Variants in AMBP observed in about 807,000 individuals in gnomAD.
AMBP encodes the protein protein AMBP.
AMBP carries 37 observed loss-of-function variants against 46.3 expected under a neutral mutation model. The ratio of observed to expected loss-of-function variants is 0.80; its 90% CI spans 0.61 to 1.05. The LOEUF is 1.05. Ranked by LOEUF, AMBP falls within the 50% of genes least tolerant of loss-of-function variation. AMBP has a pLI of 0.00. For synonymous variants in AMBP, 174 were observed against 175.9 expected, an observed-to-expected ratio of 0.99 and a Z score of 0.09; for missense variants, 475 against 461.2, an observed-to-expected ratio of 1.03 and a Z score of -0.27.
Position 114,078,018 on chromosome 9 carries a change from A to G in AMBP, c.117+75T>C, listed in dbSNP as rs887359532. On this transcript the variant is annotated intron_variant, in intron 1 of 9. Transcript: ENST00000265132. ...AGCCTGAGACCCCGAGACAGGCCGC[A>G]CTTGCCCAGCAGGGCCCATCTGCCT... 6 of 1,462,692 alleles carry G rather than the reference A, an allele frequency of 4.1e-6. No homozygotes were observed. The African/African-American group carries it at 8.3e-5, about 20-fold the overall frequency. The allele number at this position is 1,462,692 out of a possible 1,614,324, so 90.6% of individuals were successfully genotyped here. A position where few individuals can be genotyped will look rare whatever the true frequency, so the allele number is the denominator to read the frequency against.
chr9:114,069,769 G>T (rs1209279044), intron 5 of AMBP, 24 bp from the exon 6 acceptor site: 2 of 1,613,926 alleles, frequency 1.2e-6, no homozygotes, highest in Non-Finnish European at 1.7e-6. Context: ...CAGGAGAGAG[G>T]AGTGAATAAC....
chr9:114,060,996 C>A lies in AMBP; in HGVS notation c.956G>T (p.Gly319Val). 6.2e-7 allele frequency: 1 copy of A among 1,614,242 alleles called. No homozygotes were observed. Among genetic ancestry groups the A allele is most frequent in the Non-Finnish European group, 8.5e-7 (1 of 1,180,032 alleles). Residue 319 changes from glycine to valine, a missense_variant, in exon 9 of 10, where the codon GGC becomes GTC. Transcript: ENST00000265132. ...GAACTTGTTCCCGTTGCCCTGGCAG[C>A]CCCCGTAGGGGAAGAGGACGCACTT... is the stretch of plus-strand genomic sequence containing the variant. ...KGKCVLFPYGGCQGNGNKFYS... is the reference protein window; with the variant it reads ...KGKCVLFPYGVCQGNGNKFYS...
chr9:114,062,555 C>A, intron 7 of AMBP, 122 bp downstream of exon 7: 1 of 999,984 alleles, frequency 1.0e-6, no homozygotes, highest in Non-Finnish European at 1.5e-6. Flanking sequence ...TTTTCTCAGT[C>A]CAGCCCTTGA....
chr9:114,075,308 C>T (rs573094645), intron 2 of AMBP, among the ~76,000 whole-genome samples: 1 of 151,826 alleles, frequency 6.6e-6, no homozygotes, highest in Non-Finnish European at 1.5e-5. Flanking sequence ...AGCACTAATG[C>T]CGCCTTCCTT....
At chr9:114,073,177 G>A (rs1846763815) in intron 4 of AMBP, 151 bp from the exon 5 acceptor site, 7 of 674,520 alleles carry the variant, frequency 1.0e-5, no homozygotes, top group African/African-American at 9.2e-5. Flanking sequence ...GGAAAGACAG[G>A]CTCCCAAGAG....
chr9:114,060,910 T>G lies in AMBP; in HGVS notation c.1027+15A>C. 1 of 1,610,616 alleles carries G rather than the reference T, an allele frequency of 6.2e-7. No homozygotes were observed. The highest frequency in any genetic ancestry group is 1.1e-5 in the South Asian group (1 of 90,478). ...AGCCCCTCGGCCCAGCCTGGCACCC[T>G]GCAGGGCTGCCTACCATCACCAGGG... On this transcript the variant is annotated intron_variant, in intron 9 of 9. Transcript: ENST00000265132.
At position 114,078,166 on chromosome 9, in the gene AMBP, A is replaced by G. The variant is rs755863439; in HGVS notation, c.44T>C (p.Leu15Pro). ...GALLLLLSACLAVSAGPVPTP... is the reference protein window; with the variant it reads ...GALLLLLSACPAVSAGPVPTP... Reference sequence around the variant, plus strand: ...TGGCACAGGGCCAGCGCTCACCGCCAGGCAGGCGCTCAGCAGCAAGAGCAG... The same window carrying G: ...TGGCACAGGGCCAGCGCTCACCGCCGGGCAGGCGCTCAGCAGCAAGAGCAG... Residue 15 changes from leucine (L) to proline (P), a missense_variant, in exon 1 of 10, where the codon CTG becomes CCG. Around this residue, in one of 3 missense-constraint regions of AMBP, gnomAD observed 179 missense variants for 167.4 expected, o/e 1.07. Coordinates refer to ENST00000265132, the MANE Select transcript of AMBP (RefSeq NM_001633.4). 6.2e-6 allele frequency: 10 copies of G among 1,613,516 alleles called. No homozygotes were observed. The highest frequency in any genetic ancestry group is 3.4e-6 in the Non-Finnish European group (4 of 1,180,026).
chr9:114,068,808 TAAAAAAAA>T (rs34177397), intron 6 of AMBP, among the ~76,000 whole-genome samples: 5 of 97,130 alleles, frequency 5.1e-5, no homozygotes, highest in Non-Finnish European at 8.0e-5. Flanking sequence ...GTGGTGAGAT[TAAAAAAAA>T]AAAAAAAAAA....
intron 9 of AMBP, 122 bp from the exon 10 acceptor site, chr9:114,060,392 C>T: frequency 1.9e-6 from 2 of 1,064,788 alleles, no homozygotes; most frequent in Non-Finnish European, 2.7e-6. Context: ...AAAGGGTATT[C>T]CATGAAATGA....
At chr9:114,060,832 C>T (rs1846627390) in intron 9 of AMBP, 93 bp downstream of exon 9, 2 of 1,417,388 alleles carry the variant, frequency 1.4e-6, no homozygotes, top group Non-Finnish European at 1.9e-6. Flanking sequence ...GAGTCCAGAA[C>T]TCAGCTCTCC....
In AMBP at chr9:114,076,667, G is replaced by C; in HGVS notation, c.191C>G (p.Thr64Arg). 6.2e-7 allele frequency: 1 copy of C among 1,614,002 alleles called. No individual in the cohort carries two copies. The highest frequency in any genetic ancestry group is 2.2e-5 in the East Asian group (1 of 44,868). Residue 64 changes from threonine (T) to arginine (R), a missense_variant, in exon 2 of 10, where the codon ACA becomes AGA. Around this residue, in one of 3 missense-constraint regions of AMBP, gnomAD observed 179 missense variants for 167.4 expected, o/e 1.07. Transcript: ENST00000265132. ...PWLKKIMDRM[T>R]VSTLVLGEGA... The stretch of plus-strand genomic sequence containing the variant: ...CTCTCCCAGCACCAGCGTGCTCACT[G>C]TCATCCTGTCCATGATCTTCTTCAG...
In AMBP at chr9:114,076,602, A is replaced by T; in HGVS notation, c.256T>A (p.Trp86Arg). 1 of 1,613,646 alleles carries T rather than the reference A, an allele frequency of 6.2e-7. No individual in the cohort carries two copies. The highest frequency in any genetic ancestry group is 8.5e-7 in the Non-Finnish European group (1 of 1,179,928). Residue 86 changes from tryptophan to arginine, a missense_variant, in exon 2 of 10, where the codon TGG (tryptophan) becomes AGG (arginine). Trp to Arg is a moderately radical substitution (Grantham distance 101). Around this residue, in one of 3 missense-constraint regions of AMBP, gnomAD observed 179 missense variants for 167.4 expected, o/e 1.07. Coordinates refer to ENST00000265132, the MANE Select transcript of AMBP (RefSeq NM_001633.4). ...CAGCCCCACCCTAGTGCTCACCGCC[A>T]ACGAGTGCTGGTCATGCTGATCTCC... ...EAEISMTSTR[W>R]RKGVCEETSG...
chr9:114,077,720 C>T (rs1434965777), intron 1 of AMBP: 2 of 215,634 alleles, frequency 9.3e-6, no homozygotes, highest in Admixed American at 5.1e-5. Flanking sequence ...GGGAAAGATG[C>T]CACAGAGAGA....
At chr9:114,076,569 C>T (rs1427125952) in intron 2 of AMBP, 29 bp downstream of exon 2, 1 of 1,609,352 alleles carries the variant, frequency 6.2e-7, no homozygotes, top group East Asian at 2.2e-5. Flanking sequence ...GGGTCTCTCT[C>T]AGCTTTCCAG....
At chr9:114,060,299 G>A (rs1181368170) in intron 9 of AMBP, 29 bp from the exon 10 acceptor site, 2 of 1,611,488 alleles carry the variant, frequency 1.2e-6, no homozygotes, top group Non-Finnish European at 1.7e-6. Flanking sequence ...TCAGGGAGGG[G>A]TCCGTAGGCA....
chr9:114,070,843 A>C (rs1846737540), intron 5 of AMBP, among the ~76,000 whole-genome samples: 1 of 151,528 alleles, frequency 6.6e-6, no homozygotes. Context: ...CATTGGGGTG[A>C]CTGTCAAGCC....
In AMBP at chr9:114,076,656, G is replaced by T. The variant is rs1387355996; in HGVS notation, c.202C>A (p.Leu68Met). The change falls in exon 2 of 10, where the codon CTG becomes ATG. Residue 68 changes from leucine to methionine, a missense_variant. This residue lies in a region of AMBP where 179 missense variants were observed against 167.4 expected (regional missense o/e 1.07). Transcript: ENST00000265132. ...KIMDRMTVST[L>M]VLGEGATEAE... ...TCTGTAGCGCCCTCTCCCAGCACCA[G>T]CGTGCTCACTGTCATCCTGTCCATG... 1 of 1,613,944 alleles carries T rather than the reference G, an allele frequency of 6.2e-7. No homozygotes were observed. The highest frequency in any genetic ancestry group is 1.7e-5 in the Admixed American group (1 of 59,992).
intron 1 of AMBP, among the ~76,000 whole-genome samples, chr9:114,077,880 T>C (rs1217084555): frequency 1.3e-5 from 2 of 152,176 alleles, no homozygotes; most frequent in Non-Finnish European, 2.9e-5. Context: ...ACGAGGACAG[T>C]GCAGAAGGTG....
At chr9:114,069,833 C>T (rs757651889) in intron 5 of AMBP, 88 bp from the exon 6 acceptor site, 29 of 1,417,170 alleles carry the variant, frequency 2.0e-5, no homozygotes, top group Admixed American at 3.4e-5. Context: ...TGGTGAGCAT[C>T]GTGCTGGGAA....
Sources: gnomAD v4.1 joint callset for allele counts (sites outside exome capture counted in the v4.1 genomes callset) on GRCh38, gnomAD v4.1.1 for gene constraint, gnomAD v4.1.1 regional missense constraint, MANE v1.5 for transcripts, NCBI Gene and HGNC (gene_info 2026-07-23, HGNC 2026-07-21) for gene names.